CATSPERT: variants seen among roughly 807,000 people sequenced by gnomAD.
The protein encoded by CATSPERT is catsper channel auxiliary subunit tau.
At chr2:201,535,354 TTATTCCAATAAGATATAAAGA>T in the CATSPERT span, 3 of 980,682 alleles carry the variant, frequency 3.1e-6, no homozygotes, top group African/African-American at 5.3e-5. Context: ...CCTGTAATAG[TTATTCCAATAAGATATAAAGA>T]TATAAGTAGA....
the CATSPERT span, among the ~76,000 whole-genome samples, chr2:201,498,347 G>A: frequency 1.6e-4 from 25 of 152,202 alleles, no homozygotes; most frequent in African/African-American, 5.1e-4. Context: ...TCCAAAGGCC[G>A]AAAAACCTGG....
the CATSPERT span, among the ~76,000 whole-genome samples, chr2:201,524,269 GACC>G: frequency 6.6e-6 from 1 of 152,134 alleles, no homozygotes; most frequent in South Asian, 2.1e-4. Context: ...GCTCACAAGA[GACC>G]CTTCAGCAGA....
At chr2:201,613,640 T>G in the CATSPERT span, among the ~76,000 whole-genome samples, 69,447 of 151,920 alleles carry the variant, frequency 0.46, 16,357 homozygotes, top group South Asian at 0.55. Flanking sequence ...AAAATCAGAG[T>G]GCCGTTTCTC....
chr2:201,574,184 A>G, the CATSPERT span: 2 of 1,540,628 alleles, frequency 1.3e-6, no homozygotes, highest in Non-Finnish European at 1.8e-6. Flanking sequence ...ACAACAGAAT[A>G]ATCTTTTAAA....
At chr2:201,553,493 G>A in the CATSPERT span, 2 of 151,950 alleles carry the variant, frequency 1.3e-5, no homozygotes, top group South Asian at 2.1e-4. Context: ...TTCTTCTTAT[G>A]TCAACTTAAC....
At chr2:201,547,246 G>A in the CATSPERT span, among the ~76,000 whole-genome samples, 13 of 152,070 alleles carry the variant, frequency 8.5e-5, no homozygotes, top group Non-Finnish European at 1.9e-4. Context: ...AAATGCCACT[G>A]AGTTCTATAC....
At chr2:201,490,432 A>G in the CATSPERT span, among the ~76,000 whole-genome samples, 3 of 152,220 alleles carry the variant, frequency 2.0e-5, no homozygotes, top group Non-Finnish European at 4.4e-5. Flanking sequence ...AATGTCGGCT[A>G]TGTTTCCACA....
the CATSPERT span, among the ~76,000 whole-genome samples, chr2:201,530,701 T>C: frequency 0.61 from 93,196 of 151,970 alleles, 30,350 homozygotes; most frequent in East Asian, 0.95. Context: ...CCTAATCTTC[T>C]GCAGACCCTA....
the CATSPERT span, among the ~76,000 whole-genome samples, chr2:201,532,271 AT>A: frequency 6.6e-6 from 1 of 152,182 alleles, no homozygotes; most frequent in East Asian, 1.9e-4. Flanking sequence ...AAGAACATTT[AT>A]TTTTGTCTTT....
At chr2:201,613,138 G>C in the CATSPERT span, among the ~76,000 whole-genome samples, 1 of 152,222 alleles carries the variant, frequency 6.6e-6, no homozygotes, top group Non-Finnish European at 1.5e-5. Context: ...GGGCATAGCT[G>C]AACAAAAGGC....
At chr2:201,500,319 C>T in the CATSPERT span, among the ~76,000 whole-genome samples, 1 of 151,870 alleles carries the variant, frequency 6.6e-6, no homozygotes, top group Non-Finnish European at 1.5e-5. Context: ...TCGAGACCAT[C>T]CTGGCTAACA....
At chr2:201,524,519 T>C in the CATSPERT span, among the ~76,000 whole-genome samples, 105,825 of 152,054 alleles carry the variant, frequency 0.7, 37,775 homozygotes, top group East Asian at 0.96. Flanking sequence ...CAAAAAAACA[T>C]ATTTAAGTAC....
chr2:201,595,364 A>G, the CATSPERT span, among the ~76,000 whole-genome samples: 2 of 150,560 alleles, frequency 1.3e-5, no homozygotes, highest in Non-Finnish European at 3.0e-5. Context: ...AATTTTTTGT[A>G]TTTTTAGTAG....
the CATSPERT span, among the ~76,000 whole-genome samples, chr2:201,616,653 A>G: frequency 6.6e-6 from 1 of 152,216 alleles, no homozygotes; most frequent in African/African-American, 2.4e-5. Flanking sequence ...GGCACAAGAC[A>G]GGGATGCCCT....
the CATSPERT span, chr2:201,491,692 G>A: frequency 9.1e-6 from 14 of 1,536,904 alleles, no homozygotes; most frequent in Admixed American, 1.2e-4. Context: ...TCTTGGATAC[G>A]ATGTTAATAC....
At chr2:201,579,853 C>CTT in the CATSPERT span, among the ~76,000 whole-genome samples, 73 of 134,310 alleles carry the variant, frequency 5.4e-4, no homozygotes, top group Middle Eastern at 3.9e-3. Context: ...CTTTCTTTTT[C>CTT]TTTTTTTTTT....
chr2:201,598,871 G>C, the CATSPERT span, among the ~76,000 whole-genome samples: 1 of 152,114 alleles, frequency 6.6e-6, no homozygotes, highest in Non-Finnish European at 1.5e-5. Context: ...ATGAGCTACC[G>C]TGCCCAGCCA....
At chr2:201,487,902 C>A in the CATSPERT span, 1 of 1,566,312 alleles carries the variant, frequency 6.4e-7, no homozygotes, top group South Asian at 1.2e-5. Flanking sequence ...TCTGAACAAT[C>A]CTAAATAATA....
At chr2:201,582,312 ATAT>A in the CATSPERT span, 40 of 1,195,794 alleles carry the variant, frequency 3.3e-5, no homozygotes, top group Admixed American at 8.1e-5. Context: ...TATTATGCAA[ATAT>A]TATTATGCAA....
Sources: gnomAD v4.1 joint callset for allele counts (sites outside exome capture counted in the v4.1 genomes callset) on GRCh38, gnomAD v4.1.1 for gene constraint, MANE v1.5 for transcripts, NCBI Gene and HGNC (gene_info 2026-07-23, HGNC 2026-07-21) for gene names.